The following HSD17B12 variants were observed in gnomAD, a reference collection of about 807,000 sequenced individuals.
The protein encoded by HSD17B12 is very-long-chain 3-oxoacyl-CoA reductase.
A neutral mutation model predicts 39.3 loss-of-function variants in HSD17B12; 32 were observed. That is an observed-to-expected ratio of 0.81 (90% CI 0.61 to 1.09). HSD17B12 has a LOEUF of 1.09. HSD17B12 is among the 50% of genes least tolerant of loss of function. The pLI, the probability that HSD17B12 is intolerant of heterozygous loss-of-function variation, is 0.00. For missense variants in HSD17B12, 342 were observed against 382.9 expected (o/e 0.89, Z 0.89); for synonymous variants, 150 against 146.7 (o/e 1.02, Z -0.16).
At chr11:43,563,347 T>C in the HSD17B12 span, among the ~76,000 whole-genome samples, 1 of 152,324 alleles carries the variant, frequency 6.6e-6, no homozygotes, top group South Asian at 2.1e-4. Context: ...TGGGTTGTTA[T>C]GCAATGATAA....
chr11:43,678,935 T>C (rs1590651169), upstream of HSD17B12, among the ~76,000 whole-genome samples: 1 of 152,312 alleles, frequency 6.6e-6, no homozygotes, highest in East Asian at 1.9e-4. Context: ...TTTGGTTCCA[T>C]ATGAACTTTA....
rs754768238 is a variant in HSD17B12, at chr11:43,680,977, A to T, written c.150A>T (p.Gly50=). ...AGGCGGGGGTCGGCCCGGGGCTCGG[A>T]GAATGGGCAGGTGAGTCGGATGCAG... ...GNEAGVGPGL[G]EWAVVTGSTD... is the part of the protein sequence containing the mutation. The change falls in exon 1 of 11, where the codon GGA becomes GGT. Residue 50 remains glycine (G), a synonymous_variant. Transcript: ENST00000278353. The T allele has an allele frequency of 8.7e-6, 14 of 1,603,568 alleles. No homozygotes were observed. The South Asian group carries it at 1.3e-4, about 15-fold the overall frequency.
intron 6 of HSD17B12, among the ~76,000 whole-genome samples, chr11:43,817,370 C>T (rs1362090025): frequency 6.6e-6 from 1 of 151,944 alleles, no homozygotes; most frequent in Non-Finnish European, 1.5e-5. Flanking sequence ...AGCTATTTAT[C>T]TTTGTTTTTA....
chr11:43,621,494 C>A, the HSD17B12 span, among the ~76,000 whole-genome samples: 3 of 152,112 alleles, frequency 2.0e-5, no homozygotes, highest in Non-Finnish European at 4.4e-5. Context: ...GTGGGAGGAT[C>A]ACTTGAGCCC....
chr11:43,617,106 T>C, the HSD17B12 span, among the ~76,000 whole-genome samples: 2 of 152,186 alleles, frequency 1.3e-5, no homozygotes, highest in African/African-American at 2.4e-5. Flanking sequence ...GGTCCACCGA[T>C]TTTTCATACT....
chr11:43,601,964 C>A, the HSD17B12 span, among the ~76,000 whole-genome samples: 1 of 152,170 alleles, frequency 6.6e-6, no homozygotes, highest in Admixed American at 6.5e-5. Flanking sequence ...AAATGGATTT[C>A]TTTTGTCAGC....
At chr11:43,680,082 T>C (rs10714500), upstream of HSD17B12, among the ~76,000 whole-genome samples, 3 of 139,712 alleles carry the variant, frequency 2.1e-5, no homozygotes, top group Non-Finnish European at 1.6e-5. Flanking sequence ...TTTTTTTTTT[T>C]GTTTTTGTTT....
At chr11:43,581,335 C>T in the HSD17B12 span, 2 of 473,962 alleles carry the variant, frequency 4.2e-6, no homozygotes, top group South Asian at 3.1e-5. This position sits in a 1 kb window ranked among gnomAD's most constrained non-coding sequence, Gnocchi z 4.9. Flanking sequence ...TGTTCGGCTC[C>T]AGGGTTCGGA....
chr11:43,591,630 T>C, the HSD17B12 span, among the ~76,000 whole-genome samples: 2 of 152,132 alleles, frequency 1.3e-5, no homozygotes, highest in Admixed American at 1.3e-4. Flanking sequence ...ATAAACTATA[T>C]AGTTTTATTT....
At chr11:43,771,828 G>A (rs781665619) in intron 3 of HSD17B12, among the ~76,000 whole-genome samples, 1 of 151,914 alleles carries the variant, frequency 6.6e-6, no homozygotes, top group Non-Finnish European at 1.5e-5. Context: ...AAGATCTTTG[G>A]TACTGAGATA....
At chr11:43,811,674 G>T (rs1357725033) in intron 4 of HSD17B12, among the ~76,000 whole-genome samples, 1 of 152,082 alleles carries the variant, frequency 6.6e-6, no homozygotes, top group Non-Finnish European at 1.5e-5. Context: ...TCATGTCAGG[G>T]TGGCTGAAGT....
chr11:43,671,263 T>C, the HSD17B12 span, among the ~76,000 whole-genome samples: 1 of 152,176 alleles, frequency 6.6e-6, no homozygotes, highest in African/African-American at 2.4e-5. Context: ...TTCTCCAGCC[T>C]CCACCTCCCA....
the HSD17B12 span, among the ~76,000 whole-genome samples, chr11:43,601,013 T>A: frequency 4.0e-5 from 6 of 151,866 alleles, no homozygotes; most frequent in Admixed American, 2.6e-4. Flanking sequence ...ATACATATAT[T>A]TTTTTCAATC....
intron 3 of HSD17B12, among the ~76,000 whole-genome samples, chr11:43,777,149 A>C (rs1950714348): frequency 6.6e-6 from 1 of 152,178 alleles, no homozygotes; most frequent in African/African-American, 2.4e-5. Context: ...GAAGAAAGTC[A>C]TTGGTAGCTT....
At chr11:43,575,891 A>C in the HSD17B12 span, among the ~76,000 whole-genome samples, 1 of 152,194 alleles carries the variant, frequency 6.6e-6, no homozygotes, top group Non-Finnish European at 1.5e-5. This position sits in a 1 kb window ranked among gnomAD's most constrained non-coding sequence, Gnocchi z 4.1. Flanking sequence ...TACATTTCCA[A>C]AGGCGGTGTG....
At chr11:43,600,902 T>G in the HSD17B12 span, among the ~76,000 whole-genome samples, 7 of 151,966 alleles carry the variant, frequency 4.6e-5, no homozygotes, top group South Asian at 1.5e-3. Context: ...TTTTTCACTT[T>G]ATGTGTTGAG....
upstream of HSD17B12, among the ~76,000 whole-genome samples, chr11:43,677,186 G>C (rs969300867): frequency 6.6e-6 from 1 of 152,122 alleles, no homozygotes; most frequent in Non-Finnish European, 1.5e-5. Flanking sequence ...GGGGGGGTTT[G>C]GGCAGCAAGA....
At chr11:43,779,491 T>C (rs1189473223) in intron 3 of HSD17B12, among the ~76,000 whole-genome samples, 1 of 152,190 alleles carries the variant, frequency 6.6e-6, no homozygotes, top group Admixed American at 6.5e-5. Context: ...TGACCATGGA[T>C]TAGTCATTAG....
the HSD17B12 span, among the ~76,000 whole-genome samples, chr11:43,665,131 AG>A: frequency 6.6e-6 from 1 of 152,264 alleles, no homozygotes; most frequent in Non-Finnish European, 1.5e-5. Flanking sequence ...ATTCTGAAAG[AG>A]AAGTGTCTGA....
Sources: gnomAD v4.1 joint callset for allele counts (sites outside exome capture counted in the v4.1 genomes callset) on GRCh38, gnomAD v4.1.1 for gene constraint, Gnocchi (gnomAD v3.1) non-coding constraint, MANE v1.5 for transcripts, NCBI Gene and HGNC (gene_info 2026-07-23, HGNC 2026-07-21) for gene names.